EDA2R: variants seen among roughly 807,000 people sequenced by gnomAD.
The protein encoded by EDA2R is tumor necrosis factor receptor superfamily member 27.
Under a neutral mutation model 20.1 loss-of-function variants are expected in EDA2R, and 26 were observed. The observed-to-expected ratio is 1.30, with a 90% confidence interval of 0.95 to 1.80. The LOEUF (loss-of-function observed/expected upper bound fraction) is 1.80. Ranked by LOEUF, EDA2R falls within the 40% of genes most tolerant of loss-of-function variation. The pLI, the probability that EDA2R is intolerant of heterozygous loss-of-function variation, is 0.00. For synonymous variants in EDA2R, 114 were observed against 88.7 expected (o/e 1.29, Z -1.60); for missense variants, 277 against 228.7 (o/e 1.21, Z -1.36).
intron 4 of EDA2R, among the ~76,000 whole-genome samples, 167 bp downstream of exon 4, chrX:66,604,254 A>C (rs888123547): frequency 2.7e-5 from 3 of 111,959 alleles, no homozygotes; most frequent in African/African-American, 9.7e-5. Flanking sequence ...AATGATTTGC[A>C]TAGAGTTGCA....
At chrX:66,612,849 A>G (rs1450942506) in intron 2 of EDA2R, among the ~76,000 whole-genome samples, 2 of 111,516 alleles carry the variant, frequency 1.8e-5, no homozygotes, top group Non-Finnish European at 3.8e-5. Context: ...AATTATCATT[A>G]AAAATTTATT....
intron 1 of EDA2R, among the ~76,000 whole-genome samples, chrX:66,619,127 C>T (rs958004720): frequency 1.5e-4 from 17 of 111,243 alleles, no homozygotes; most frequent in Non-Finnish European, 2.8e-4. Context: ...AGGAAAGGCA[C>T]CCAAGCTTCT....
In EDA2R at chrX:66,596,767, A is replaced by C. The variant is rs1455045438; in HGVS notation, c.*1337T>G. ...AACAAAAACAAAAACAAAAACAAAA[A>C]AAAAACAGGAAACCTAAAGGCCAAG... On this transcript the variant is annotated 3_prime_UTR_variant, in exon 7 of 7. Transcript: ENST00000374719. 1 of 112,212 alleles carries C rather than the reference A, an allele frequency of 8.9e-6. No homozygotes were observed. The highest frequency in any genetic ancestry group is 9.4e-5 in the Admixed American group (1 of 10,636). The allele number at this position is 112,212 out of a possible 1,213,427, so 9.2% of individuals were successfully genotyped here.
At chrX:66,614,295 C>T (rs1442982923) in intron 2 of EDA2R, among the ~76,000 whole-genome samples, 1 of 111,719 alleles carries the variant, frequency 9.0e-6, no homozygotes, top group Non-Finnish European at 1.9e-5. Context: ...GAGGCTGAGT[C>T]CTTGATAACA....
chrX:66,632,459 G>A (rs762239848), intron 1 of EDA2R, among the ~76,000 whole-genome samples: 1 of 104,876 alleles, frequency 9.5e-6, no homozygotes, highest in Admixed American at 1.0e-4. Flanking sequence ...GAGGAGGAGG[G>A]TGAGGAGGAG....
intron 1 of EDA2R, among the ~76,000 whole-genome samples, chrX:66,631,602 T>C (rs1008758355): frequency 3.6e-5 from 4 of 111,644 alleles, no homozygotes; most frequent in Non-Finnish European, 5.6e-5. Context: ...AATGTTAACC[T>C]GAGTGCATTT....
intron 1 of EDA2R, among the ~76,000 whole-genome samples, chrX:66,638,106 C>T (rs771514981): frequency 9.8e-5 from 11 of 112,053 alleles, no homozygotes; most frequent in African/African-American, 3.6e-4. Context: ...AATATTTATC[C>T]GTGTTTTTAT....
chrX:66,635,149 T>C (rs1934204581), intron 1 of EDA2R, among the ~76,000 whole-genome samples: 1 of 112,146 alleles, frequency 8.9e-6, no homozygotes, highest in Non-Finnish European at 1.9e-5. Flanking sequence ...GAGTACTTTC[T>C]ATGCTAGGCA....
At chrX:66,633,309 C>T (rs1459927241) in intron 1 of EDA2R, among the ~76,000 whole-genome samples, 2 of 111,581 alleles carry the variant, frequency 1.8e-5, no homozygotes, top group Non-Finnish European at 3.8e-5. Context: ...AATTGTTAAA[C>T]GAATGGGGAA....
rs1383714964 is a variant in EDA2R at position 66,629,931 on chromosome X, T to C, written c.-11+9064A>G. ...AATCTGGAGGCATCACACTACCTGATTTCAAACTATACTATAAGGCCATAG... is the reference window on the plus strand; with the variant it reads ...AATCTGGAGGCATCACACTACCTGACTTCAAACTATACTATAAGGCCATAG... On this transcript the variant is annotated intron_variant, in intron 1 of 6. Coordinates refer to ENST00000374719, the MANE Select transcript of EDA2R (RefSeq NM_021783.5). Among the ~76,000 whole-genome samples, 6 of 111,406 alleles carry C rather than the reference T, an allele frequency of 5.4e-5. No homozygotes were observed. In the South Asian group the frequency reaches 1.1e-3, roughly 21 times the overall value.
chrX:66,622,158 T>C (rs1932725230), intron 1 of EDA2R, among the ~76,000 whole-genome samples: 1 of 111,934 alleles, frequency 8.9e-6, no homozygotes, highest in African/African-American at 3.3e-5. Context: ...TTATTTTGCC[T>C]GTCTGTCATG....
chrX:66,602,568 C>T, intron 5 of EDA2R, 65 bp downstream of exon 5: 1 of 1,088,539 alleles, frequency 9.2e-7, no homozygotes, highest in Non-Finnish European at 1.2e-6. Flanking sequence ...CCCAGAACAT[C>T]CCTCTCTTCT....
intron 1 of EDA2R, among the ~76,000 whole-genome samples, chrX:66,616,530 T>A (rs1294849020): frequency 8.9e-6 from 1 of 112,630 alleles, no homozygotes; most frequent in Non-Finnish European, 1.9e-5. Context: ...GAGATTGTCA[T>A]CTTTATTTTA....
At position 66,595,823 on chromosome X, in the gene EDA2R, G is replaced by A. The variant is rs929176366; in HGVS notation, c.*2281C>T. On this transcript the variant is annotated 3_prime_UTR_variant, in exon 7 of 7. Transcript: ENST00000374719. ...TTCAATGTAAAACACTGAAGACCTAGCTAGTAGGGTGGGGTTGGTAGAGAG... is the reference window on the plus strand; with the variant it reads ...TTCAATGTAAAACACTGAAGACCTAACTAGTAGGGTGGGGTTGGTAGAGAG... 9.0e-6 allele frequency: 1 copy of A among 111,001 alleles called. No individual in the cohort carries two copies. The highest frequency in any genetic ancestry group is 1.9e-5 in the Non-Finnish European group (1 of 52,972). The allele number at this position is 111,001 out of a possible 1,213,427, so 9.1% of individuals were successfully genotyped here.
chrX:66,604,634 G>C (rs1292089336), intron 3 of EDA2R, 128 bp from the exon 4 acceptor site: 1 of 544,494 alleles, frequency 1.8e-6, no homozygotes, highest in African/African-American at 2.3e-5. Flanking sequence ...CTCTTTCTGA[G>C]TTATCTGCCT....
intron 4 of EDA2R, among the ~76,000 whole-genome samples, chrX:66,603,173 C>A (rs191190209): frequency 6.3e-5 from 7 of 111,091 alleles, no homozygotes; most frequent in African/African-American, 2.3e-4. Flanking sequence ...ACTTAAAGGC[C>A]TTTATGGATC....
intron 1 of EDA2R, among the ~76,000 whole-genome samples, chrX:66,626,929 A>C (rs1056010889): frequency 2.4e-4 from 26 of 110,409 alleles, no homozygotes; most frequent in Non-Finnish European, 4.2e-4. Context: ...CTCAGCAGAA[A>C]CCCTACAAGC....
At chrX:66,626,092 T>C (rs775262805) in intron 1 of EDA2R, among the ~76,000 whole-genome samples, 68 of 111,172 alleles carry the variant, frequency 6.1e-4, no homozygotes, top group African/African-American at 2.0e-3. Context: ...TCTGGTAATA[T>C]GAAAAAACAA....
At chrX:66,602,152 C>T (rs1928722554) in intron 5 of EDA2R, among the ~76,000 whole-genome samples, 1 of 111,338 alleles carries the variant, frequency 9.0e-6, no homozygotes, top group Non-Finnish European at 1.9e-5. Context: ...ATAGCCAAGC[C>T]TTCCTCAATT....
Sources: gnomAD v4.1 joint callset for allele counts (sites outside exome capture counted in the v4.1 genomes callset) on GRCh38, gnomAD v4.1.1 for gene constraint, MANE v1.5 for transcripts, NCBI Gene and HGNC (gene_info 2026-07-23, HGNC 2026-07-21) for gene names.